Variants in ELOVL6 observed in about 807,000 individuals in gnomAD.
The protein encoded by ELOVL6 is ELOVL fatty acid elongase 6.
In ELOVL6, 8 loss-of-function variants were observed where a neutral mutation model predicts 31.7. The ratio of observed to expected loss-of-function variants is 0.25; its 90% confidence interval spans 0.15 to 0.45. The LOEUF is 0.45. Ranked by LOEUF, ELOVL6 falls within the 20% of genes least tolerant of loss-of-function variation. The pLI is 1.00. For synonymous variants in ELOVL6, 101 were observed against 117.7 expected, an observed-to-expected ratio of 0.86 and a Z score of 0.92; for missense variants, 126 against 326.4, an observed-to-expected ratio of 0.39 and a Z score of 4.73.
At chr4:110,053,783 TA>T (rs962665471) in intron 3 of ELOVL6, among the ~76,000 whole-genome samples, 13 of 152,014 alleles carry the variant, frequency 8.6e-5, no homozygotes, top group African/African-American at 3.1e-4. Flanking sequence ...ACTATAAAAT[TA>T]AAAAAATATC....
At chr4:110,192,845 G>C (rs1759663230) in intron 1 of ELOVL6, among the ~76,000 whole-genome samples, 1 of 152,124 alleles carries the variant, frequency 6.6e-6, no homozygotes, top group Non-Finnish European at 1.5e-5. Flanking sequence ...GTCATGTTAT[G>C]ATCCTCACAC....
chr4:110,184,788 A>G (rs1759391997), intron 1 of ELOVL6, among the ~76,000 whole-genome samples: 1 of 152,204 alleles, frequency 6.6e-6, no homozygotes, highest in South Asian at 2.1e-4. Context: ...ATAGATGACA[A>G]AGCAGGTAAA....
intron 1 of ELOVL6, among the ~76,000 whole-genome samples, chr4:110,108,948 A>G (rs1756957798): frequency 6.6e-6 from 1 of 152,236 alleles, no homozygotes; most frequent in Non-Finnish European, 1.5e-5. Context: ...GTTGTCATTT[A>G]TGGTTGAATG....
At chr4:110,181,341 G>C (rs547569397) in intron 1 of ELOVL6, among the ~76,000 whole-genome samples, 1 of 152,104 alleles carries the variant, frequency 6.6e-6, no homozygotes, top group Non-Finnish European at 1.5e-5. Context: ...CCAGATACTC[G>C]GGAGGCTGAG....
intron 2 of ELOVL6, among the ~76,000 whole-genome samples, chr4:110,085,923 C>T (rs1018895581): frequency 5.3e-5 from 8 of 152,242 alleles, no homozygotes; most frequent in African/African-American, 1.4e-4. Context: ...CGCCATGTTG[C>T]GATCCACCCA....
At chr4:110,170,560 T>C (rs953343258) in intron 1 of ELOVL6, among the ~76,000 whole-genome samples, 1 of 152,236 alleles carries the variant, frequency 6.6e-6, no homozygotes, top group Non-Finnish European at 1.5e-5. Context: ...TCTCATTCTC[T>C]AAACAAATGT....
intron 1 of ELOVL6, among the ~76,000 whole-genome samples, chr4:110,129,105 T>A (rs990137573): frequency 3.9e-5 from 6 of 152,272 alleles, no homozygotes; most frequent in African/African-American, 1.2e-4. Context: ...AAATTATGTA[T>A]AAATCTTTTT....
chr4:110,110,492 C>CA (rs761007892), intron 1 of ELOVL6, among the ~76,000 whole-genome samples: 4 of 149,096 alleles, frequency 2.7e-5, no homozygotes, highest in Non-Finnish European at 4.4e-5. Context: ...ACTGCAGCCT[C>CA]AGCCTCCAGG....
At chr4:110,106,574 A>G (rs1428084273) in intron 1 of ELOVL6, among the ~76,000 whole-genome samples, 1 of 152,174 alleles carries the variant, frequency 6.6e-6, no homozygotes, top group East Asian at 1.9e-4. Context: ...ATGCTAATGC[A>G]TTATAATTAG....
At chr4:110,191,033 G>A (rs1294321980) in intron 1 of ELOVL6, among the ~76,000 whole-genome samples, 1 of 151,914 alleles carries the variant, frequency 6.6e-6, no homozygotes, top group East Asian at 1.9e-4. Context: ...TGACCAGGCT[G>A]GTCTCGAACT....
chr4:110,174,807 A>G (rs1216907648), intron 1 of ELOVL6, among the ~76,000 whole-genome samples: 1 of 152,170 alleles, frequency 6.6e-6, no homozygotes, highest in Non-Finnish European at 1.5e-5. Flanking sequence ...AAGTTGGCAT[A>G]TTTAGATTTA....
chr4:110,083,966 TGATATAACATATGCCATATAC>T (rs756381189), intron 2 of ELOVL6, among the ~76,000 whole-genome samples: 7,619 of 14,828 alleles, frequency 0.51, 958 homozygotes, highest in South Asian at 0.56. Flanking sequence ...ATGATATATA[TGATATAACATATGCCATATAC>T]GATATATAAC....
chr4:110,124,327 T>A (rs1443985561), intron 1 of ELOVL6, among the ~76,000 whole-genome samples: 1 of 152,156 alleles, frequency 6.6e-6, no homozygotes, highest in East Asian at 1.9e-4. Flanking sequence ...AATGATGGAC[T>A]GGACAAAGAA....
chr4:110,121,858 T>C (rs1757367651), intron 1 of ELOVL6, among the ~76,000 whole-genome samples: 1 of 152,174 alleles, frequency 6.6e-6, no homozygotes, highest in African/African-American at 2.4e-5. Context: ...TTTTTGGACA[T>C]AGAGAGAAAT....
chr4:110,178,507 C>A (rs1050361558), intron 1 of ELOVL6, among the ~76,000 whole-genome samples: 1 of 151,400 alleles, frequency 6.6e-6, no homozygotes, highest in Non-Finnish European at 1.5e-5. Flanking sequence ...GAGCCAAGAT[C>A]GTGCCACTGC....
intron 2 of ELOVL6, among the ~76,000 whole-genome samples, chr4:110,093,862 G>A (rs939396366): frequency 6.6e-6 from 1 of 152,102 alleles, no homozygotes; most frequent in Non-Finnish European, 1.5e-5. Context: ...AGCATGGATG[G>A]GAATATTGTG....
chr4:110,084,403 T>TATATCAC (rs1756126411), intron 2 of ELOVL6, among the ~76,000 whole-genome samples: 1 of 20,112 alleles, frequency 5.0e-5, no homozygotes, highest in Non-Finnish European at 1.3e-4. Context: ...TGATATATGA[T>TATATCAC]ATATGACATA....
intron 1 of ELOVL6, among the ~76,000 whole-genome samples, chr4:110,174,759 A>G (rs1368982134): frequency 6.6e-6 from 1 of 152,194 alleles, no homozygotes; most frequent in Non-Finnish European, 1.5e-5. Flanking sequence ...GTCACACTAT[A>G]TAACATGACC....
intron 2 of ELOVL6, among the ~76,000 whole-genome samples, chr4:110,094,884 G>A (rs1232462151): frequency 1.3e-5 from 2 of 152,276 alleles, no homozygotes; most frequent in African/African-American, 4.8e-5. Flanking sequence ...CTGCAAAACT[G>A]GCAGGTGTGA....
Sources: allele counts gnomAD v4.1 joint callset (sites outside exome capture counted in the v4.1 genomes callset), GRCh38; gene constraint gnomAD v4.1.1; transcripts MANE v1.5; gene names NCBI Gene and HGNC (gene_info 2026-07-23, HGNC 2026-07-21).